RPRD1A: variants seen among roughly 807,000 people sequenced by gnomAD.
RPRD1A encodes the protein regulation of nuclear pre-mRNA domain containing 1A, also known as regulation of nuclear pre-mRNA domain-containing protein 1A.
In RPRD1A, 9 loss-of-function variants were observed where a neutral mutation model predicts 37.8. The ratio of observed to expected loss-of-function variants is 0.24; its 90% confidence interval spans 0.14 to 0.42. RPRD1A has a LOEUF of 0.42. Ranked by LOEUF, RPRD1A falls within the 10% of genes least tolerant of loss-of-function variation. The pLI is 1.00. For missense variants in RPRD1A, 255 were observed against 371.0 expected, an observed-to-expected ratio of 0.69 and a Z score of 2.57; for synonymous variants, 138 against 139.7, an observed-to-expected ratio of 0.99 and a Z score of 0.08.
At chr18:36,005,258 G>A (rs934949779) in intron 6 of RPRD1A, among the ~76,000 whole-genome samples, 16 of 152,098 alleles carry the variant, frequency 1.1e-4, no homozygotes, top group East Asian at 1.9e-4. Context: ...CTGAGATTGC[G>A]CCACTGCACT....
chr18:36,033,672 A>C (rs1911977683), intron 2 of RPRD1A, 36 bp downstream of exon 2: 1 of 1,570,428 alleles, frequency 6.4e-7, no homozygotes, highest in Admixed American at 1.9e-5. Context: ...GGTACATTTA[A>C]AACAGATTAC....
chr18:36,021,227 A>C (rs1910972284), intron 6 of RPRD1A, among the ~76,000 whole-genome samples: 1 of 152,172 alleles, frequency 6.6e-6, no homozygotes, highest in South Asian at 2.1e-4. Context: ...CACTTTCAAG[A>C]TACTGTGTTT....
At chr18:36,027,919 G>A (rs1598628531) in intron 4 of RPRD1A, 1 of 152,002 alleles carries the variant, frequency 6.6e-6, no homozygotes, top group Non-Finnish European at 1.5e-5. Flanking sequence ...ATAATCTGAT[G>A]ACTAATATAT....
intron 6 of RPRD1A, among the ~76,000 whole-genome samples, chr18:36,007,342 G>A (rs1353169645): frequency 6.6e-6 from 1 of 152,152 alleles, no homozygotes; most frequent in African/African-American, 2.4e-5. Context: ...TAATGTGGAT[G>A]ATACTTGTGA....
At chr18:36,059,224 G>A (rs553972390) in intron 1 of RPRD1A, among the ~76,000 whole-genome samples, 11 of 151,720 alleles carry the variant, frequency 7.3e-5, no homozygotes, top group African/African-American at 2.2e-4. Flanking sequence ...TGCAACCTCC[G>A]CTTCCCGGGT....
rs575507516 is a variant in RPRD1A, at chr18:36,064,892, A to T, written c.151+2362T>A. Among the ~76,000 whole-genome samples the T allele has an allele frequency of 7.2e-5, 11 of 152,050 alleles. No homozygotes were observed. The East Asian group carries it at 2.1e-3, about 30-fold the overall frequency. ...GGTCTGCAGCTTCACTCCTGAAGCC[A>T]GCGAGACCACGAATCCACCGAGAGG... is the stretch of plus-strand genomic sequence containing the variant. On this transcript the variant is annotated intron_variant, in intron 1 of 6. Transcript: ENST00000399022.
At chr18:35,993,369 A>G (rs760782756) in intron 6 of RPRD1A, 69 bp from the exon 7 acceptor site, 27 of 1,532,030 alleles carry the variant, frequency 1.8e-5, no homozygotes, top group Non-Finnish European at 2.3e-5. Flanking sequence ...AATGACCTAC[A>G]TAAACCCAGG....
intron 1 of RPRD1A, among the ~76,000 whole-genome samples, chr18:36,044,410 G>A (rs1240847205): frequency 6.6e-6 from 1 of 152,156 alleles, no homozygotes; most frequent in Non-Finnish European, 1.5e-5. Context: ...GATCAAAGCT[G>A]GGCACAGAAG....
chr18:36,051,554 C>G (rs1217706266), intron 1 of RPRD1A, among the ~76,000 whole-genome samples: 1 of 152,104 alleles, frequency 6.6e-6, no homozygotes, highest in Non-Finnish European at 1.5e-5. Context: ...ATTCTAAAAC[C>G]CTCAGATTCT....
intron 6 of RPRD1A, among the ~76,000 whole-genome samples, chr18:36,009,793 GCTA>G (rs1443723787): frequency 6.6e-6 from 1 of 152,198 alleles, no homozygotes; most frequent in Non-Finnish European, 1.5e-5. Flanking sequence ...TGTGCCTACT[GCTA>G]CTGAGAAACT....
intron 1 of RPRD1A, among the ~76,000 whole-genome samples, chr18:36,059,803 G>A (rs2088869285): frequency 1.3e-5 from 2 of 152,076 alleles, no homozygotes; most frequent in Non-Finnish European, 2.9e-5. Context: ...TCAAACAAAT[G>A]GCTTCTAAAA....
intron 4 of RPRD1A, among the ~76,000 whole-genome samples, chr18:36,030,279 G>C (rs1161183931): frequency 6.6e-6 from 1 of 151,356 alleles, no homozygotes; most frequent in South Asian, 2.1e-4. Context: ...GAGGCCAGGA[G>C]TTCAAGACCA....
chr18:36,053,640 TTTG>T lies in RPRD1A; in HGVS notation c.151+13611_151+13613del, dbSNP rs1913555311. Among the ~76,000 whole-genome samples, 3 of 152,302 alleles carry T rather than the reference TTTG, an allele frequency of 2.0e-5. No individual in the cohort carries two copies. In the South Asian group the frequency reaches 6.2e-4, roughly 32 times the overall value. On this transcript the variant is annotated intron_variant, in intron 1 of 6. Coordinates refer to ENST00000399022, the MANE Select transcript of RPRD1A (RefSeq NM_018170.5). Reference sequence around the variant, plus strand: ...CTATTATGAGAATTCTTATAAAGTATTTGTTTGAATATTTGTTTTCAAGTCTCG... The same window carrying T: ...CTATTATGAGAATTCTTATAAAGTATTTTGAATATTTGTTTTCAAGTCTCG...
intron 1 of RPRD1A, among the ~76,000 whole-genome samples, chr18:36,058,119 T>C (rs180828690): frequency 1.5e-3 from 221 of 152,294 alleles, no homozygotes; most frequent in Non-Finnish European, 2.6e-3. Context: ...TCATGGCTCA[T>C]TGCAACCTCT....
chr18:35,994,212 T>G (rs1228504078), intron 6 of RPRD1A, among the ~76,000 whole-genome samples: 7 of 152,184 alleles, frequency 4.6e-5, no homozygotes, highest in Admixed American at 2.0e-4. Context: ...ATTACCACAG[T>G]GCATGGCACA....
chr18:36,033,916 T>C, intron 1 of RPRD1A, 79 bp from the exon 2 acceptor site: 1 of 1,227,990 alleles, frequency 8.1e-7, no homozygotes, highest in Non-Finnish European at 1.1e-6. Flanking sequence ...AAATTAAGCA[T>C]TTTGAGAACT....
intron 6 of RPRD1A, among the ~76,000 whole-genome samples, chr18:36,021,835 A>G (rs1911016307): frequency 6.6e-6 from 1 of 152,190 alleles, no homozygotes; most frequent in Non-Finnish European, 1.5e-5. Flanking sequence ...CCCTGTCTCT[A>G]CAAAAAAATT....
At chr18:36,041,171 G>A (rs140444448) in intron 1 of RPRD1A, among the ~76,000 whole-genome samples, 227 of 152,048 alleles carry the variant, frequency 1.5e-3, no homozygotes, top group African/African-American at 3.9e-3. Flanking sequence ...TCACCTACAC[G>A]GGCTCCATTT....
intron 6 of RPRD1A, among the ~76,000 whole-genome samples, chr18:36,019,391 G>A (rs1037759936): frequency 2.6e-5 from 4 of 152,038 alleles, no homozygotes; most frequent in Admixed American, 2.6e-4. Flanking sequence ...ACAGGCATGA[G>A]CCACCGCGCC....
Sources: allele counts gnomAD v4.1 joint callset (sites outside exome capture counted in the v4.1 genomes callset), GRCh38; gene constraint gnomAD v4.1.1; transcripts MANE v1.5; gene names NCBI Gene and HGNC (gene_info 2026-07-23, HGNC 2026-07-21).